GPAT4: variants seen among roughly 807,000 people sequenced by gnomAD.
The protein encoded by GPAT4 is glycerol-3-phosphate acyltransferase 4.
GPAT4 carries 17 observed loss-of-function variants against 58.0 expected under a neutral mutation model. That is an observed-to-expected ratio of 0.29 (90% CI 0.20 to 0.44). GPAT4 has a LOEUF of 0.44. Among genes scored for constraint, GPAT4 ranks in the 20% least tolerant of loss-of-function variants. GPAT4 has a pLI of 1.00. For missense variants in GPAT4, 377 were observed against 574.5 expected, an observed-to-expected ratio of 0.66 and a Z score of 3.51; for synonymous variants, 204 against 210.1, an observed-to-expected ratio of 0.97 and a Z score of 0.25.
intron 10 of GPAT4, among the ~76,000 whole-genome samples, chr8:41,617,383 TATAAAA>T (rs1414918761): frequency 6.6e-6 from 1 of 152,012 alleles, no homozygotes; most frequent in African/African-American, 2.4e-5. Flanking sequence ...TATTATTATA[TATAAAA>T]TTAAAATTAA....
chr8:41,614,947 G>C lies in GPAT4; in HGVS notation c.968-16G>C, dbSNP rs779560881. On this transcript the variant is annotated splice_polypyrimidine_tract_variant and intron_variant, in intron 9 of 12. Transcript: ENST00000396987. ...GGGCCAACAGAAATAGCATTTTATT[G>C]TCTCCTGCATTTTAGGAACCTGCAT... 13 of 1,607,470 alleles carry C rather than the reference G, an allele frequency of 8.1e-6. No individual in the cohort carries two copies. The highest frequency in any genetic ancestry group is 1.0e-5 in the Non-Finnish European group (12 of 1,174,186).
Position 41,620,907 on chromosome 8 carries a change from A to G in GPAT4, c.1277A>G (p.Lys426Arg). Residue 426 changes from lysine to arginine, a missense_variant, in exon 13 of 13, where the codon AAG becomes AGG. Lys to Arg is a conservative substitution (Grantham distance 26). Coordinates refer to ENST00000396987, the MANE Select transcript of GPAT4 (RefSeq NM_178819.4). ...LVDLLWDGGL[K>R]REKVKDTFKE... ...TGTCTCTCCAGGGATGGGGGCCTGA[A>G]GAGGGAGAAGGTGAAGGACACGTTC... The G allele has an allele frequency of 6.4e-7, 1 of 1,551,192 alleles. No homozygotes were observed. Among genetic ancestry groups the G allele is most frequent in the Non-Finnish European group, 8.7e-7 (1 of 1,147,170 alleles).
At position 41,600,332 on chromosome 8, in the gene GPAT4, G is replaced by T. The variant is rs185393099; in HGVS notation, c.165+1028G>T. On this transcript the variant is annotated intron_variant, in intron 2 of 12. Coordinates refer to ENST00000396987, the MANE Select transcript of GPAT4 (RefSeq NM_178819.4). ...GCTGGGATTACAGGCCTGAGCCACC[G>T]TACCTGGCCCATATTGTATCTTCTG... Among the ~76,000 whole-genome samples the T allele has an allele frequency of 2.0e-4, 30 of 152,106 alleles. 1 individual carries two copies. The South Asian group carries it at 4.4e-3, about 22-fold the overall frequency.
intron 1 of GPAT4, among the ~76,000 whole-genome samples, chr8:41,579,370 C>G (rs926079844): frequency 5.9e-5 from 9 of 152,110 alleles, no homozygotes; most frequent in African/African-American, 1.7e-4. Flanking sequence ...GAACTTGATG[C>G]AAGATGAGTC....
chr8:41,616,882 G>A (rs1429181757), intron 10 of GPAT4, among the ~76,000 whole-genome samples: 1 of 152,090 alleles, frequency 6.6e-6, no homozygotes, highest in African/African-American at 2.4e-5. Context: ...CGATTTCAAG[G>A]CTCTTCTTAT....
chr8:41,588,562 A>G (rs1359949187), intron 1 of GPAT4, among the ~76,000 whole-genome samples: 1 of 147,256 alleles, frequency 6.8e-6, no homozygotes, highest in Non-Finnish European at 1.5e-5. Flanking sequence ...TTTCTTTTCC[A>G]AGAGTGTATT....
chr8:41,610,831 C>T (rs1452718217), intron 5 of GPAT4, 21 bp downstream of exon 5: 1 of 1,587,032 alleles, frequency 6.3e-7, no homozygotes. Flanking sequence ...TGTGGCAGTC[C>T]ATGCCTGAAG....
chr8:41,615,018 T>A lies in GPAT4; in HGVS notation c.1023T>A (p.Ile341=). 3 of 1,614,060 alleles carry A rather than the reference T, an allele frequency of 1.9e-6. No individual in the cohort carries two copies. Among genetic ancestry groups the A allele is most frequent in the Non-Finnish European group, 2.5e-6 (3 of 1,179,908 alleles). Residue 341 remains isoleucine, a synonymous_variant, in exon 10 of 13, where the codon ATT becomes ATA. Coordinates refer to ENST00000396987, the MANE Select transcript of GPAT4 (RefSeq NM_178819.4). ...VMMFKKGSFE[I]GATVYPVAIK... is the part of the protein sequence containing the mutation. ...TGTTCAAAAAGGGAAGTTTTGAAAT[T>A]GGAGCCACAGTTTACCCTGTTGCTA...
intron 8 of GPAT4, 22 bp from the exon 9 acceptor site, chr8:41,614,360 CTTTA>C: frequency 1.2e-6 from 2 of 1,606,746 alleles, no homozygotes; most frequent in Non-Finnish European, 1.7e-6. Flanking sequence ...TTGTCTGACC[CTTTA>C]TTTTATTTTC....
chr8:41,601,396 A>C (rs1248944692), intron 2 of GPAT4, among the ~76,000 whole-genome samples: 1 of 152,210 alleles, frequency 6.6e-6, no homozygotes, highest in East Asian at 1.9e-4. Context: ...CATATATTTT[A>C]GTCCAAGAAA....
At chr8:41,610,658 C>T in intron 4 of GPAT4, 78 bp from the exon 5 acceptor site, 2 of 1,584,966 alleles carry the variant, frequency 1.3e-6, no homozygotes, top group Non-Finnish European at 8.6e-7. Flanking sequence ...GTGATGCCCC[C>T]TTTGATTTTC....
intron 2 of GPAT4, among the ~76,000 whole-genome samples, chr8:41,603,263 A>C (rs1165231411): frequency 6.6e-6 from 1 of 152,168 alleles, no homozygotes; most frequent in Non-Finnish European, 1.5e-5. Flanking sequence ...GCAGTGGCTC[A>C]TGCCTGTAAT....
chr8:41,618,785 G>T lies in GPAT4; in HGVS notation c.1155G>T (p.Val385=). 1.2e-6 allele frequency: 2 copies of T among 1,614,286 alleles called. No individual in the cohort carries two copies. The highest frequency in any genetic ancestry group is 1.7e-6 in the Non-Finnish European group (2 of 1,180,052). The change falls in exon 11 of 13, where the codon GTG becomes GTT. Residue 385 remains valine, a synonymous_variant. Transcript: ENST00000396987. ...MMTSWAIVCS[V]WYLPPMTREA... ...CCAGCTGGGCCATTGTCTGCAGCGT[G>T]TGGTACCTGCCTCCCATGACTAGAG...
At position 41,598,979 on chromosome 8, in the gene GPAT4, C is replaced by A; in HGVS notation, c.-161C>A. On this transcript the variant is annotated 5_prime_UTR_variant, in exon 2 of 13. Transcript: ENST00000396987. ...GTTTTTCTGTCATTCTGTTCCCAGG[C>A]CTTCTATTCAGGCGGTTGAAGGGTG... The A allele has an allele frequency of 1.1e-6, 1 of 901,702 alleles. No individual in the cohort carries two copies. Among genetic ancestry groups the A allele is most frequent in the Non-Finnish European group, 1.7e-6 (1 of 603,550 alleles). The allele number at this position is 901,702 out of a possible 1,614,324, so 55.9% of individuals were successfully genotyped here.
intron 10 of GPAT4, among the ~76,000 whole-genome samples, chr8:41,617,237 G>A (rs562662010): frequency 6.6e-6 from 1 of 152,180 alleles, no homozygotes; most frequent in African/African-American, 2.4e-5. Context: ...AGTGGCAGGT[G>A]CCTACAGCCC....
chr8:41,609,457 C>A lies in GPAT4; in HGVS notation c.207C>A (p.Asn69Lys), dbSNP rs747697851. The change falls in exon 3 of 13, where the codon AAC becomes AAA. Residue 69 changes from asparagine to lysine, a missense_variant. Coordinates refer to ENST00000396987, the MANE Select transcript of GPAT4 (RefSeq NM_178819.4). Reference sequence around the variant, plus strand: ...TGGAGCGAGGAGCCAAGGAGAAGAACCACCAGCTTTACAAGCCCTACACCA... The same window carrying A: ...TGGAGCGAGGAGCCAAGGAGAAGAAACACCAGCTTTACAAGCCCTACACCA... ...LRMERGAKEK[N>K]HQLYKPYTNG... 3.7e-6 allele frequency: 6 copies of A among 1,614,060 alleles called. No individual in the cohort carries two copies. In the African/African-American group the frequency reaches 8.0e-5, roughly 22 times the overall value.
chr8:41,588,119 G>GT (rs1802701572), intron 1 of GPAT4, among the ~76,000 whole-genome samples: 1 of 152,208 alleles, frequency 6.6e-6, no homozygotes, highest in Non-Finnish European at 1.5e-5. Flanking sequence ...TGAAGACTGA[G>GT]TTTCTTCTGA....
rs1405058067 is a variant in GPAT4 at position 41,620,871 on chromosome 8, C to T, written c.1263-22C>T. On this transcript the variant is annotated intron_variant, in intron 12 of 12. Transcript: ENST00000396987. ...CTGGGAGCCCTCTTGGCTGTTACTA[C>T]ATCCAGCCTTTGTCTCTCCAGGGAT... 6 of 1,549,902 alleles carry T rather than the reference C, an allele frequency of 3.9e-6. No individual in the cohort carries two copies. The African/African-American group carries it at 5.5e-5, about 14-fold the overall frequency.
At chr8:41,583,682 G>C (rs897371516) in intron 1 of GPAT4, among the ~76,000 whole-genome samples, 1 of 152,140 alleles carries the variant, frequency 6.6e-6, no homozygotes, top group South Asian at 2.1e-4. Flanking sequence ...TGGCTGCTCT[G>C]TTGGACTGCA....
Sources: gnomAD v4.1 joint callset for allele counts (sites outside exome capture counted in the v4.1 genomes callset) on GRCh38, gnomAD v4.1.1 for gene constraint, MANE v1.5 for transcripts, NCBI Gene and HGNC (gene_info 2026-07-23, HGNC 2026-07-21) for gene names.